The following MARCHF10 variants were observed in gnomAD, a reference collection of about 807,000 sequenced individuals.
MARCHF10 encodes probable E3 ubiquitin-protein ligase MARCHF10.
A neutral mutation model predicts 76.2 loss-of-function variants in MARCHF10; 64 were observed. The ratio of observed to expected loss-of-function variants is 0.84; its 90% confidence interval spans 0.69 to 1.03. MARCHF10 has a LOEUF of 1.03. Ranked by LOEUF, MARCHF10 falls within the 50% of genes least tolerant of loss-of-function variation. The pLI is 0.00. For missense variants in MARCHF10, 875 were observed against 958.0 expected (o/e 0.91, Z 1.14); for synonymous variants, 340 against 357.5 (o/e 0.95, Z 0.55).
intron 4 of MARCHF10, among the ~76,000 whole-genome samples, chr17:62,751,889 G>A (rs865939246): frequency 2.0e-5 from 3 of 152,038 alleles, no homozygotes; most frequent in Non-Finnish European, 2.9e-5. Context: ...GCATGGTGGC[G>A]CATGCCTGTA....
chr17:62,728,469 C>A lies in MARCHF10; in HGVS notation c.1938-3365G>T, dbSNP rs149551248. Among the ~76,000 whole-genome samples, 1,087 of 152,302 alleles carry A rather than the reference C, an allele frequency of 7.1e-3. 10 individuals are homozygous for A. The highest frequency in any genetic ancestry group is 0.017 in the South Asian group (84 of 4,824). Reference sequence around the variant, plus strand: ...ACCTCTCTCTACTAAACCACCCATTCCTTCCTTCATGAAACAACTGGGGGC... The same window carrying A: ...ACCTCTCTCTACTAAACCACCCATTACTTCCTTCATGAAACAACTGGGGGC... On this transcript the variant is annotated intron_variant, in intron 6 of 10. Coordinates refer to ENST00000311269, the MANE Select transcript of MARCHF10 (RefSeq NM_152598.4).
chr17:62,720,299 G>T (rs1476112435), intron 8 of MARCHF10, among the ~76,000 whole-genome samples: 1 of 152,212 alleles, frequency 6.6e-6, no homozygotes, highest in Non-Finnish European at 1.5e-5. Context: ...TGTTAGCCAT[G>T]TGGTGGTGAG....
chr17:62,710,459 TTG>T (rs897032068), intron 9 of MARCHF10, among the ~76,000 whole-genome samples: 12 of 151,776 alleles, frequency 7.9e-5, no homozygotes, highest in African/African-American at 2.9e-4. Context: ...CCCCAGCCTG[TTG>T]TCTTAATTGA....
chr17:62,737,088 A>G lies in MARCHF10; in HGVS notation c.780T>C (p.Thr260=), dbSNP rs759731698. 2 of 1,613,812 alleles carry G rather than the reference A, an allele frequency of 1.2e-6. No homozygotes were observed. Among genetic ancestry groups the G allele is most frequent in the South Asian group, 1.1e-5 (1 of 91,056 alleles). Residue 260 remains threonine, a synonymous_variant, in exon 6 of 11, where the codon ACT becomes ACC. Transcript: ENST00000311269. ...ATGATGCCTTTCTTGGCCCTCCTACAGTGGTGGGTGTGAGTGGTGGCCCCG... is the reference window on the plus strand; with the variant it reads ...ATGATGCCTTTCTTGGCCCTCCTACGGTGGTGGGTGTGAGTGGTGGCCCCG... ...EFSGPPLTPT[T]VGGPRKASFR...
chr17:62,720,460 G>A (rs889116846), intron 8 of MARCHF10, among the ~76,000 whole-genome samples: 9 of 152,212 alleles, frequency 5.9e-5, no homozygotes, highest in Non-Finnish European at 1.0e-4. Flanking sequence ...TGGCTAGAGA[G>A]GGCTGGAGTT....
chr17:62,745,812 C>T (rs150100391), intron 4 of MARCHF10, among the ~76,000 whole-genome samples: 6 of 152,250 alleles, frequency 3.9e-5, no homozygotes, highest in South Asian at 4.1e-4. Context: ...CGTCAGTGCA[C>T]GTGAATGTGG....
chr17:62,799,253 C>T lies in MARCHF10; in HGVS notation c.90+2393G>A, dbSNP rs1363159816. ...TCCTGGGCCGGGCCACTTCTCACCA[C>T]CTCCACTCCTACCACCCCGGGCCAA... On this transcript the variant is annotated intron_variant, in intron 2 of 10. Coordinates refer to ENST00000311269, the MANE Select transcript of MARCHF10 (RefSeq NM_152598.4). Among the ~76,000 whole-genome samples, 3 of 152,176 alleles carry T rather than the reference C, an allele frequency of 2.0e-5. No individual in the cohort carries two copies. In the East Asian group the frequency reaches 5.8e-4, roughly 29 times the overall value.
At chr17:62,791,136 A>C (rs1266544909) in intron 2 of MARCHF10, among the ~76,000 whole-genome samples, 3 of 152,356 alleles carry the variant, frequency 2.0e-5, no homozygotes, top group Middle Eastern at 3.4e-3. Flanking sequence ...AAAAACACCC[A>C]ATCATAGAGA....
At chr17:62,733,948 CA>C (rs1438982877) in intron 6 of MARCHF10, among the ~76,000 whole-genome samples, 1 of 152,034 alleles carries the variant, frequency 6.6e-6, no homozygotes, top group African/African-American at 2.4e-5. Context: ...TTTGGGAGGC[CA>C]AGACGGGTGG....
At chr17:62,744,638 G>T in intron 4 of MARCHF10, 110 bp from the exon 5 acceptor site, 1 of 1,211,628 alleles carries the variant, frequency 8.3e-7, no homozygotes, top group Non-Finnish European at 1.1e-6. Flanking sequence ...TTAGGTGGAA[G>T]GGCAGTCAAG....
rs1366856340 is a variant in MARCHF10, at chr17:62,736,646, C to T, written c.1222G>A (p.Glu408Lys). The change falls in exon 6 of 11, where the codon GAG becomes AAG. Residue 408 changes from glutamate (E) to lysine (K), a missense_variant. By Grantham distance (56) the Glu-to-Lys change is moderately conservative. Coordinates refer to ENST00000311269, the MANE Select transcript of MARCHF10 (RefSeq NM_152598.4). ...TTGACACCAACCTCTTGTCTGGGCT[C>T]GGATTTGGTGTCCCACGAAAGAGGG... The part of the protein sequence containing the change: ...KSPLSWDTKS[E>K]PRQEVGVNAE... 16 of 1,614,172 alleles carry T rather than the reference C, an allele frequency of 9.9e-6. No homozygotes were observed. Among genetic ancestry groups the T allele is most frequent in the African/African-American group, 2.7e-5 (2 of 75,030 alleles).
chr17:62,801,578 C>G, intron 2 of MARCHF10, 68 bp downstream of exon 2: 1 of 1,338,996 alleles, frequency 7.5e-7, no homozygotes, highest in Non-Finnish European at 1.1e-6. Flanking sequence ...TACGTTGATG[C>G]TGTATTCTGA....
At chr17:62,796,666 G>A (rs1202647424) in intron 2 of MARCHF10, among the ~76,000 whole-genome samples, 3 of 152,166 alleles carry the variant, frequency 2.0e-5, no homozygotes, top group Non-Finnish European at 4.4e-5. Flanking sequence ...TTAAGAAGTC[G>A]TGGTCCAGGT....
At chr17:62,749,424 G>A (rs751764975) in intron 4 of MARCHF10, among the ~76,000 whole-genome samples, 5 of 152,138 alleles carry the variant, frequency 3.3e-5, no homozygotes, top group Non-Finnish European at 7.3e-5. Context: ...CCTAGGAGGT[G>A]CCAAGATCCC....
chr17:62,730,181 G>A (rs1159030076), intron 6 of MARCHF10, among the ~76,000 whole-genome samples: 4 of 151,384 alleles, frequency 2.6e-5, no homozygotes, highest in African/African-American at 9.7e-5. Flanking sequence ...GTGAGACTTC[G>A]TCTCAAAAAG....
intron 8 of MARCHF10, among the ~76,000 whole-genome samples, chr17:62,715,674 C>G (rs2090156934): frequency 6.6e-6 from 1 of 152,220 alleles, no homozygotes; most frequent in Non-Finnish European, 1.5e-5. Flanking sequence ...CCTGACAGAC[C>G]TAAGATGAAA....
At chr17:62,756,290 TA>T (rs1425074831) in intron 4 of MARCHF10, among the ~76,000 whole-genome samples, 1 of 151,256 alleles carries the variant, frequency 6.6e-6, no homozygotes, top group Non-Finnish European at 1.5e-5. Context: ...ACAAAACAAG[TA>T]AAAAATTAGC....
rs1341235133 is a variant in MARCHF10 at position 62,744,476 on chromosome 17, T to G, written c.435A>C (p.Arg145Ser). ...TGTGCGATTCTGGGCTGACTGTAAA[T>G]CTCCTCAGGTTTGGCTTCCTCTTTC... ...LLRKRKPNLRRFTVSPESHSP... is the reference protein window; with the variant it reads ...LLRKRKPNLRSFTVSPESHSP... Residue 145 changes from arginine (R) to serine (S), a missense_variant, in exon 5 of 11, where the codon AGA (arginine) becomes AGC (serine). Physicochemically the swap from Arg to Ser is moderately radical, Grantham distance 110. Coordinates refer to ENST00000311269, the MANE Select transcript of MARCHF10 (RefSeq NM_152598.4). 17 of 1,614,152 alleles carry G rather than the reference T, an allele frequency of 1.1e-5. No individual in the cohort carries two copies. Among genetic ancestry groups the G allele is most frequent in the Non-Finnish European group, 1.4e-5 (16 of 1,180,034 alleles).
chr17:62,757,447 C>A (rs987408315), intron 4 of MARCHF10, among the ~76,000 whole-genome samples: 26 of 152,246 alleles, frequency 1.7e-4, no homozygotes, highest in African/African-American at 6.3e-4. Flanking sequence ...ACTGTCACGA[C>A]TGCCACTGAG....
Sources: gnomAD v4.1 joint callset for allele counts (sites outside exome capture counted in the v4.1 genomes callset) on GRCh38, gnomAD v4.1.1 for gene constraint, MANE v1.5 for transcripts, NCBI Gene and HGNC (gene_info 2026-07-23, HGNC 2026-07-21) for gene names.